NFATC1: variants seen among roughly 807,000 people sequenced by gnomAD.
NFATC1 encodes the protein nuclear factor of activated T cells 1.
A neutral mutation model predicts 76.0 loss-of-function variants in NFATC1; 22 were observed. The ratio of observed to expected loss-of-function variants is 0.29; its 90% CI spans 0.21 to 0.41. NFATC1 has a LOEUF of 0.41. Among genes scored for constraint, NFATC1 ranks in the 10% least tolerant of loss-of-function variants. NFATC1 has a pLI of 1.00. For missense variants in NFATC1, 1,357 were observed against 1,337.7 expected (o/e 1.01, Z -0.23); for synonymous variants, 704 against 613.1 (o/e 1.15, Z -2.19).
rs186449690 is a variant in NFATC1 at position 79,484,515 on chromosome 18, C to T, written c.2093-1733C>T. Among the ~76,000 whole-genome samples, 1,189 of 152,064 alleles carry T rather than the reference C, an allele frequency of 7.8e-3. 29 individuals are homozygous for T. Among genetic ancestry groups the T allele is most frequent in the Non-Finnish European group, 5.5e-3 (373 of 67,982 alleles). On this transcript the variant is annotated intron_variant, in intron 8 of 9. Transcript: ENST00000427363. ...GTTTCTACTCAGTGTGCAGGGCGGA[C>T]GCTTTAAACCTCGATCTCCCCACTC...
intron 8 of NFATC1, 41 bp from the exon 9 acceptor site, chr18:79,486,207 C>T (rs535413238): frequency 2.4e-5 from 37 of 1,562,514 alleles, no homozygotes; most frequent in Admixed American, 8.8e-5. Context: ...CACACTCATT[C>T]GCAACTTGTG....
chr18:79,428,475 C>T (rs567873390), intron 2 of NFATC1, among the ~76,000 whole-genome samples: 2 of 152,204 alleles, frequency 1.3e-5, no homozygotes, highest in African/African-American at 4.8e-5. Flanking sequence ...ACGATGCTCA[C>T]GCCTCTGACC....
At position 79,433,690 on chromosome 18, in the gene NFATC1, CA is replaced by C. The variant is rs772562026; in HGVS notation, c.1339del (p.Ser447AlafsTer5). On this transcript the variant is annotated frameshift_variant, in exon 3 of 10. Coordinates refer to ENST00000427363, the MANE Select transcript of NFATC1 (RefSeq NM_001278669.2). LOFTEE classifies it high-confidence loss of function. ...ACCGAGCCCACTACGAGACGGAGGGCAGCCGGGGGGCCGTGAAGGCGTCGGC... is the reference window on the plus strand; with the variant it reads ...ACCGAGCCCACTACGAGACGGAGGGCGCCGGGGGGCCGTGAAGGCGTCGGC... ...HHRAHYETEG[S>X]RGAVKASAGG... 6.2e-7 allele frequency: 1 copy of C among 1,613,196 alleles called. No homozygotes were observed. Among genetic ancestry groups the C allele is most frequent in the South Asian group, 1.1e-5 (1 of 91,078 alleles).
chr18:79,520,282 C>T (rs370237727), intron 9 of NFATC1, among the ~76,000 whole-genome samples: 1 of 151,638 alleles, frequency 6.6e-6, no homozygotes, highest in African/African-American at 2.4e-5. Flanking sequence ...GTTGCTGCCT[C>T]TGCAGATGCC....
intron 2 of NFATC1, among the ~76,000 whole-genome samples, chr18:79,429,237 A>AG (rs1457098934): frequency 1.3e-5 from 2 of 151,912 alleles, no homozygotes; most frequent in Admixed American, 1.3e-4. Flanking sequence ...AAAAAAAAAA[A>AG]AAATGGAGAG....
chr18:79,440,431 A>G (rs2086929603), intron 3 of NFATC1, among the ~76,000 whole-genome samples: 1 of 152,236 alleles, frequency 6.6e-6, no homozygotes, highest in South Asian at 2.1e-4. Flanking sequence ...AGAAGCGGCC[A>G]TCTGCAGCAG....
At chr18:79,472,044 A>G (rs1054130627) in intron 8 of NFATC1, among the ~76,000 whole-genome samples, 2 of 152,192 alleles carry the variant, frequency 1.3e-5, no homozygotes, top group Admixed American at 1.3e-4. Context: ...AAATCCAGCA[A>G]TAACTGTGGC....
intron 9 of NFATC1, among the ~76,000 whole-genome samples, chr18:79,520,928 T>TA: frequency 1.2e-5 from 1 of 83,976 alleles, no homozygotes; most frequent in African/African-American, 4.8e-5. Context: ...GGTGTGTGTG[T>TA]GGGAGGGAGC....
chr18:79,476,814 G>A (rs962172612), intron 8 of NFATC1, among the ~76,000 whole-genome samples: 1 of 152,246 alleles, frequency 6.6e-6, no homozygotes, highest in Non-Finnish European at 1.5e-5. Flanking sequence ...TGCAGTTTCA[G>A]CCTGGAGGTC....
In NFATC1 at chr18:79,508,562, G is replaced by A. The variant is rs533734817; in HGVS notation, c.2783-18966G>A. The stretch of plus-strand genomic sequence containing the variant: ...AAAATGTGCTCGAAGGCTCATAAAC[G>A]CACGGAGGGTCTGAACTCCCTCCCC... On this transcript the variant is annotated intron_variant, in intron 9 of 9. Coordinates refer to ENST00000427363, the MANE Select transcript of NFATC1 (RefSeq NM_001278669.2). Among the ~76,000 whole-genome samples, 4 of 152,218 alleles carry A rather than the reference G, an allele frequency of 2.6e-5. No homozygotes were observed. The South Asian group carries it at 8.3e-4, about 32-fold the overall frequency.
At chr18:79,450,174 G>C (rs113154486) in intron 4 of NFATC1, among the ~76,000 whole-genome samples, 2,570 of 152,288 alleles carry the variant, frequency 0.017, 78 homozygotes, top group African/African-American at 0.058. Context: ...CTGCCGCCTC[G>C]TGGGTGGTCG....
chr18:79,506,889 T>C (rs1224496169), intron 9 of NFATC1, among the ~76,000 whole-genome samples: 6 of 152,214 alleles, frequency 3.9e-5, no homozygotes, highest in Admixed American at 6.5e-5. Context: ...GGGTTCTTCC[T>C]TCCTTCCAGA....
chr18:79,447,997 C>T (rs369130363), intron 3 of NFATC1, among the ~76,000 whole-genome samples: 278 of 152,300 alleles, frequency 1.8e-3, no homozygotes, highest in African/African-American at 6.2e-3. Flanking sequence ...TTCCCAGAGG[C>T]GTGAGTGGGG....
intron 9 of NFATC1, among the ~76,000 whole-genome samples, chr18:79,492,631 C>CGCCATT (rs2089713846): frequency 6.6e-6 from 1 of 151,918 alleles, no homozygotes; most frequent in African/African-American, 2.4e-5. Context: ...ATGGCGTGAA[C>CGCCATT]CTGGGAGGCG....
intron 8 of NFATC1, chr18:79,469,419 C>T (rs2088682233): frequency 1.0e-6 from 1 of 985,536 alleles, no homozygotes; most frequent in South Asian, 4.7e-5. Context: ...CGTGCCTGCC[C>T]TTCACAGGTG....
intron 6 of NFATC1, among the ~76,000 whole-genome samples, chr18:79,457,230 G>A (rs937712595): frequency 3.3e-5 from 5 of 152,200 alleles, no homozygotes; most frequent in African/African-American, 9.7e-5. Flanking sequence ...GGCAAGGAGG[G>A]CAGCGCCCGG....
chr18:79,464,602 G>GACACACACACAC lies in NFATC1; in HGVS notation c.1960-2842_1960-2831dup, dbSNP rs57175022. 1.0e-3 allele frequency among the ~76,000 whole-genome samples: 150 copies of GACACACACACAC among 142,982 alleles called. 1 individual carries two copies. The highest frequency in any genetic ancestry group is 3.7e-3 in the African/African-American group (143 of 38,802). 93.8% of individuals were successfully genotyped at this position (142,982 alleles called of 152,430 possible). A position where few individuals can be genotyped will look rare whatever the true frequency, so the allele number is the denominator to read the frequency against. On this transcript the variant is annotated intron_variant, in intron 7 of 9. Coordinates refer to ENST00000427363, the MANE Select transcript of NFATC1 (RefSeq NM_001278669.2). The stretch of plus-strand genomic sequence containing the variant: ...GCTGCTGTGTGTGGATGTTCACGCA[G>GACACACACACAC]ACACACACACACACACAGAGTACAT...
intron 1 of NFATC1, among the ~76,000 whole-genome samples, chr18:79,404,396 C>T (rs570899743): frequency 2.6e-5 from 4 of 152,360 alleles, no homozygotes; most frequent in South Asian, 2.1e-4. Context: ...GGCCTGACCA[C>T]GTCCCGGTGC....
chr18:79,510,858 ATCCTCTGCCG>A (rs2090229823), intron 9 of NFATC1, among the ~76,000 whole-genome samples: 2 of 149,946 alleles, frequency 1.3e-5, no homozygotes, highest in Admixed American at 6.6e-5. Context: ...CTGCCGGGGC[ATCCTCTGCCG>A]GGGCATCTTC....
Sources: allele counts gnomAD v4.1 joint callset (sites outside exome capture counted in the v4.1 genomes callset), GRCh38; gene constraint gnomAD v4.1.1; transcripts MANE v1.5; gene names NCBI Gene and HGNC (gene_info 2026-07-23, HGNC 2026-07-21).